The following ADORA2B variants were observed in gnomAD, a reference collection of about 807,000 sequenced individuals.
The protein encoded by ADORA2B is adenosine receptor A2b.
Under a neutral mutation model 20.8 loss-of-function variants are expected in ADORA2B, and 18 were observed. That is an observed-to-expected ratio of 0.87 (90% CI 0.60 to 1.29). The LOEUF is 1.29. Among genes scored for constraint, ADORA2B ranks in the 50% most tolerant of loss-of-function variants. ADORA2B has a pLI of 0.00. For synonymous variants in ADORA2B, 179 were observed against 178.3 expected, an observed-to-expected ratio of 1.00 and a Z score of -0.03; for missense variants, 441 against 422.7, an observed-to-expected ratio of 1.04 and a Z score of -0.38.
the ADORA2B span, among the ~76,000 whole-genome samples, chr17:15,876,393 C>G: frequency 6.6e-6 from 1 of 151,098 alleles, no homozygotes; most frequent in African/African-American, 2.4e-5. Context: ...GTGTGGTTTG[C>G]CTTGCTGTAT....
At chr17:15,888,133 C>T in the ADORA2B span, among the ~76,000 whole-genome samples, 1 of 128,266 alleles carries the variant, frequency 7.8e-6, no homozygotes, top group Non-Finnish European at 1.6e-5. Context: ...CAATAGGTTG[C>T]TTTCAACCAC....
the ADORA2B span, chr17:15,850,743 ATG>A: frequency 0.08 from 12,751 of 160,018 alleles, 690 homozygotes; most frequent in South Asian, 0.23. Flanking sequence ...CTTTATACAT[ATG>A]TGTGTGTGTG....
At chr17:15,899,891 G>C in the ADORA2B span, among the ~76,000 whole-genome samples, 1 of 151,706 alleles carries the variant, frequency 6.6e-6, no homozygotes, top group African/African-American at 2.4e-5. Flanking sequence ...GGGTGCAGTG[G>C]CGTGATTCTA....
intron 1 of ADORA2B, among the ~76,000 whole-genome samples, chr17:15,970,216 A>G (rs1470461831): frequency 1.3e-5 from 2 of 152,278 alleles, no homozygotes; most frequent in African/African-American, 4.8e-5. Flanking sequence ...TGTGTGGTAC[A>G]AATGAAAAAC....
At chr17:15,858,471 G>A in the ADORA2B span, among the ~76,000 whole-genome samples, 6,207 of 152,298 alleles carry the variant, frequency 0.041, 449 homozygotes, top group African/African-American at 0.14. Flanking sequence ...TTAGTAATGA[G>A]CACTCTTGGG....
the ADORA2B span, among the ~76,000 whole-genome samples, chr17:15,934,144 C>T: frequency 6.6e-6 from 1 of 152,052 alleles, no homozygotes; most frequent in Non-Finnish European, 1.5e-5. Context: ...CTATTAATAA[C>T]ATGTATTACA....
the ADORA2B span, among the ~76,000 whole-genome samples, chr17:15,906,798 A>G: frequency 3.9e-5 from 6 of 152,264 alleles, no homozygotes; most frequent in African/African-American, 1.4e-4. Flanking sequence ...TTCCTAATAC[A>G]GCATACTCTC....
At chr17:15,864,333 A>G in the ADORA2B span, among the ~76,000 whole-genome samples, 2 of 152,270 alleles carry the variant, frequency 1.3e-5, no homozygotes, top group African/African-American at 4.8e-5. Context: ...CCCACCAAAC[A>G]TATGGGTGTA....
chr17:15,867,021 G>A, the ADORA2B span, among the ~76,000 whole-genome samples: 1 of 152,252 alleles, frequency 6.6e-6, no homozygotes, highest in Non-Finnish European at 1.5e-5. Context: ...TCCTAACTGC[G>A]AGTGATCCGC....
At chr17:15,854,691 T>C in the ADORA2B span, among the ~76,000 whole-genome samples, 1 of 152,242 alleles carries the variant, frequency 6.6e-6, no homozygotes, top group East Asian at 1.9e-4. Context: ...TTTAATGCGA[T>C]GTGGAGTAGG....
chr17:15,875,918 A>AC, the ADORA2B span, among the ~76,000 whole-genome samples: 1 of 152,082 alleles, frequency 6.6e-6, no homozygotes, highest in Admixed American at 6.5e-5. Context: ...CACTAATTCA[A>AC]CCCCAACTCT....
the ADORA2B span, among the ~76,000 whole-genome samples, chr17:15,891,875 T>G: frequency 2.2e-5 from 3 of 133,828 alleles, no homozygotes; most frequent in African/African-American, 8.9e-5. Flanking sequence ...TGAGATGGAA[T>G]CTCCCTCTGT....
intron 1 of ADORA2B, among the ~76,000 whole-genome samples, chr17:15,962,499 T>C (rs1433843891): frequency 2.6e-5 from 4 of 151,840 alleles, no homozygotes; most frequent in African/African-American, 9.7e-5. Context: ...AAACGAGTTA[T>C]AATCCATTCC....
At chr17:15,907,441 C>T in the ADORA2B span, among the ~76,000 whole-genome samples, 2 of 152,126 alleles carry the variant, frequency 1.3e-5, no homozygotes, top group Admixed American at 6.5e-5. Flanking sequence ...TCCTACTATT[C>T]TCTTGTAACC....
the ADORA2B span, among the ~76,000 whole-genome samples, chr17:15,939,003 C>T: frequency 2.0e-5 from 3 of 152,176 alleles, no homozygotes; most frequent in South Asian, 2.1e-4. Context: ...TAACATCAAA[C>T]ATAGCAAGTA....
At chr17:15,946,873 T>C (rs1969813711) in intron 1 of ADORA2B, among the ~76,000 whole-genome samples, 2 of 152,218 alleles carry the variant, frequency 1.3e-5, no homozygotes, top group Non-Finnish European at 2.9e-5. Context: ...AGTGCTCTGC[T>C]GTTTTGGGAG....
chr17:15,884,160 A>G, the ADORA2B span, among the ~76,000 whole-genome samples: 1 of 152,044 alleles, frequency 6.6e-6, no homozygotes, highest in African/African-American at 2.4e-5. Context: ...GTCATGAAGG[A>G]CCTAGCTCTG....
the ADORA2B span, among the ~76,000 whole-genome samples, chr17:15,866,712 G>GCTGCCTCTGCCGCTGCCGCTGCCT: frequency 0.012 from 1,728 of 145,592 alleles, 17 homozygotes; most frequent in Non-Finnish European, 0.014. Context: ...TGCCGCTGCC[G>GCTGCCTCTGCCGCTGCCGCTGCCT]CTGCCTCTGC....
the ADORA2B span, among the ~76,000 whole-genome samples, chr17:15,867,582 G>GCC: frequency 6.8e-6 from 1 of 147,858 alleles, no homozygotes; most frequent in African/African-American, 2.5e-5. Flanking sequence ...GCGGGGGTCA[G>GCC]CCCCCCGCCC....
Sources: allele counts gnomAD v4.1 joint callset (sites outside exome capture counted in the v4.1 genomes callset), GRCh38; gene constraint gnomAD v4.1.1; transcripts MANE v1.5; gene names NCBI Gene and HGNC (gene_info 2026-07-23, HGNC 2026-07-21).